The following CHD8 variants were observed in gnomAD, a reference collection of about 807,000 sequenced individuals.
CHD8 encodes the protein chromodomain helicase DNA binding protein 8.
A neutral mutation model predicts 279.2 loss-of-function variants in CHD8; 31 were observed. The ratio of observed to expected loss-of-function variants is 0.11; its 90% confidence interval spans 0.08 to 0.15. CHD8 has a LOEUF of 0.15. Among genes scored for constraint, CHD8 ranks in the 10% least tolerant of loss-of-function variants. The probability of loss-of-function intolerance (pLI) is 1.00; values close to 1 mark genes in which losing one functional copy is unlikely to be tolerated. For synonymous variants in CHD8, 1,081 were observed against 1,139.6 expected (o/e 0.95, Z 1.04); for missense variants, 2,146 against 3,230.5 (o/e 0.66, Z 8.14).
At chr14:21,427,698 T>C (rs1019839690) in intron 4 of CHD8, 171 bp downstream of exon 4, 1 of 1,508,442 alleles carries the variant, frequency 6.6e-7, no homozygotes, top group Non-Finnish European at 8.8e-7. Context: ...TTGAGCTTAC[T>C]CTTGCACGTC....
At position 21,408,111 on chromosome 14, in the gene CHD8, G is replaced by A. The variant is rs1888330630; in HGVS notation, c.2730+201C>T. 6.6e-6 allele frequency among the ~76,000 whole-genome samples: 1 copy of A among 152,036 alleles called. No individual in the cohort carries two copies. The highest frequency in any genetic ancestry group is 1.5e-5 in the Non-Finnish European group (1 of 68,002). ...AATCAGAACTTCTACCAGATCAAAT[G>A]TCTACTAGGTAAAAAAAATAGCAAA... is the stretch of plus-strand genomic sequence containing the variant. On this transcript the variant is annotated intron_variant, in intron 13 of 37. Coordinates refer to ENST00000646647, the MANE Select transcript of CHD8 (RefSeq NM_001170629.2). The surrounding 1 kb of genome is among the most constrained non-coding windows in gnomAD (Gnocchi z 4.3).
intron 1 of CHD8, among the ~76,000 whole-genome samples, chr14:21,437,910 C>T (rs1369142678): frequency 6.6e-6 from 1 of 152,136 alleles, no homozygotes; most frequent in Non-Finnish European, 1.5e-5. Context: ...CCTCTAAACT[C>T]GGTTTCCTGT....
intron 2 of CHD8, chr14:21,429,802 C>A: frequency 4.5e-6 from 1 of 220,792 alleles, no homozygotes; most frequent in Non-Finnish European, 9.4e-6. Context: ...GCCACCATGC[C>A]CAGCTAATTT....
At chr14:21,444,171 G>A (rs575556599) in intron 1 of CHD8, among the ~76,000 whole-genome samples, 1 of 152,260 alleles carries the variant, frequency 6.6e-6, no homozygotes, top group East Asian at 1.9e-4. Flanking sequence ...TTAAGTTACA[G>A]GAACATTTAT....
At chr14:21,449,811 C>G (rs1352391962) in intron 1 of CHD8, among the ~76,000 whole-genome samples, 1 of 152,184 alleles carries the variant, frequency 6.6e-6, no homozygotes, top group African/African-American at 2.4e-5. Flanking sequence ...ATGCCCAGAT[C>G]CAGCTTACTT....
At chr14:21,419,841 G>C in intron 5 of CHD8, 1 of 371,346 alleles carries the variant, frequency 2.7e-6, no homozygotes, top group Non-Finnish European at 5.5e-6. Context: ...CACCATTCCT[G>C]GGGTCACCAG....
intron 37 of CHD8, 177 bp from the exon 38 acceptor site, chr14:21,386,353 C>T (rs536678628): frequency 1.6e-6 from 1 of 611,178 alleles, no homozygotes; most frequent in African/African-American, 1.8e-5. Context: ...AAATGCTGGA[C>T]TTAGCTGGTT....
intron 37 of CHD8, among the ~76,000 whole-genome samples, chr14:21,387,979 GTTAAA>G (rs149899372): frequency 0.027 from 4,089 of 152,198 alleles, 62 homozygotes; most frequent in African/African-American, 0.038. Context: ...GCTCTATAAT[GTTAAA>G]TTAAAGACAG....
chr14:21,451,926 T>C (rs1397072242), intron 1 of CHD8, among the ~76,000 whole-genome samples: 1 of 152,196 alleles, frequency 6.6e-6, no homozygotes, highest in Admixed American at 6.5e-5. Context: ...GGTGGACTTA[T>C]TTTACAATAC....
At chr14:21,406,281 C>T (rs1185472839) in intron 14 of CHD8, among the ~76,000 whole-genome samples, 1 of 152,196 alleles carries the variant, frequency 6.6e-6, no homozygotes, top group Non-Finnish European at 1.5e-5. Context: ...CCTAGGCTTG[C>T]CTTATTACTT....
At chr14:21,398,104 T>C in intron 26 of CHD8, 152 bp from the exon 27 acceptor site, 1 of 638,752 alleles carries the variant, frequency 1.6e-6, no homozygotes, top group East Asian at 3.0e-5. Context: ...CTGGGTTTAT[T>C]ACTATATTTA....
intron 37 of CHD8, among the ~76,000 whole-genome samples, chr14:21,387,598 T>G (rs1887314960): frequency 7.1e-6 from 1 of 139,990 alleles, no homozygotes; most frequent in Admixed American, 7.5e-5. Flanking sequence ...CACGGCATTG[T>G]ACTCCATCCA....
chr14:21,441,167 T>G (rs994732168), intron 1 of CHD8, among the ~76,000 whole-genome samples: 3 of 152,094 alleles, frequency 2.0e-5, no homozygotes, highest in Non-Finnish European at 4.4e-5. Context: ...TTAGACAATA[T>G]TTGGCAATGG....
chr14:21,394,884 T>C, intron 30 of CHD8, 28 bp downstream of exon 30: 1 of 1,608,128 alleles, frequency 6.2e-7, no homozygotes, highest in Non-Finnish European at 8.5e-7. Context: ...AAAACACAGA[T>C]CAGCACAAGT....
intron 16 of CHD8, among the ~76,000 whole-genome samples, chr14:21,404,356 C>T (rs1888168596): frequency 6.7e-6 from 1 of 149,400 alleles, no homozygotes; most frequent in Non-Finnish European, 1.5e-5. Flanking sequence ...CGAGATTGCA[C>T]CACTGTACTC....
intron 1 of CHD8, among the ~76,000 whole-genome samples, chr14:21,441,811 C>T (rs1463589318): frequency 1.3e-5 from 2 of 152,156 alleles, no homozygotes; most frequent in Non-Finnish European, 2.9e-5. Flanking sequence ...ATGGCATGAA[C>T]CCGGGAGGCG....
At chr14:21,404,042 T>G (rs1158387729) in intron 16 of CHD8, among the ~76,000 whole-genome samples, 2 of 149,246 alleles carry the variant, frequency 1.3e-5, no homozygotes, top group African/African-American at 2.5e-5. Context: ...GTGGTTGCAG[T>G]GAGCTGAGAT....
At chr14:21,386,861 G>GTC (rs1887272027) in intron 37 of CHD8, among the ~76,000 whole-genome samples, 1 of 151,466 alleles carries the variant, frequency 6.6e-6, no homozygotes, top group Admixed American at 6.6e-5. Context: ...AATCACTCGT[G>GTC]TCTCCTGATG....
In CHD8 at chr14:21,408,789, G is replaced by C. The variant is rs988459007; in HGVS notation, c.2401C>G (p.Leu801Val). 8.1e-6 allele frequency: 13 copies of C among 1,609,644 alleles called. No homozygotes were observed. The East Asian group carries it at 2.9e-4, about 36-fold the overall frequency. ...PQASAWKKLE[L>V]SHEYKNRNQL... ...TTTCTGTTTTTATATTCATGTGATA[G>C]CTCCAATTTCTTCCAGGCACTTGCC... The change falls in exon 12 of 38, where the codon CTA (leucine) becomes GTA (valine). Residue 801 changes from leucine (L) to valine (V), a missense_variant. Physicochemically the swap from Leu to Val is conservative, Grantham distance 32. This residue lies in a region of CHD8 where 211 missense variants were observed against 464.7 expected (regional missense o/e 0.45). Transcript: ENST00000646647. This position sits in a 1 kb window ranked among gnomAD's most constrained non-coding sequence, Gnocchi z 4.3.
Sources: allele counts gnomAD v4.1 joint callset (sites outside exome capture counted in the v4.1 genomes callset), GRCh38; gene constraint gnomAD v4.1.1; regional missense constraint gnomAD v4.1.1; non-coding constraint Gnocchi (gnomAD v3.1); transcripts MANE v1.5; gene names NCBI Gene and HGNC (gene_info 2026-07-23, HGNC 2026-07-21).